Variants in MRPS28 observed in about 807,000 individuals in gnomAD.
The protein encoded by MRPS28 is mitochondrial ribosomal protein S28, also known as small ribosomal subunit protein bS1m.
In MRPS28, 7 loss-of-function variants were observed where a neutral mutation model predicts 10.8. That is an observed-to-expected ratio of 0.65 (90% CI 0.37 to 1.22). The LOEUF is 1.22. Among genes scored for constraint, MRPS28 ranks in the 50% most tolerant of loss-of-function variants. MRPS28 has a pLI of 0.02. For synonymous variants in MRPS28, 121 were observed against 93.3 expected (o/e 1.30, Z -1.71); for missense variants, 265 against 232.9 (o/e 1.14, Z -0.90).
intron 2 of MRPS28, among the ~76,000 whole-genome samples, chr8:79,931,742 G>A (rs1471591964): frequency 6.6e-6 from 1 of 152,204 alleles, no homozygotes; most frequent in Non-Finnish European, 1.5e-5. Context: ...AGGTCTGGCT[G>A]TTAAGGTTTA....
At chr8:79,999,521 A>G (rs1347779477) in intron 2 of MRPS28, among the ~76,000 whole-genome samples, 1 of 152,242 alleles carries the variant, frequency 6.6e-6, no homozygotes, top group Non-Finnish European at 1.5e-5. Flanking sequence ...GAAAGAACCT[A>G]GGCATTTCTA....
At chr8:80,023,799 G>A (rs990117978) in intron 1 of MRPS28, among the ~76,000 whole-genome samples, 1 of 152,184 alleles carries the variant, frequency 6.6e-6, no homozygotes, top group African/African-American at 2.4e-5. Context: ...TTGTGGCTAC[G>A]AGATGAGTTA....
At chr8:79,964,095 A>T (rs1417175089) in intron 2 of MRPS28, among the ~76,000 whole-genome samples, 1 of 152,030 alleles carries the variant, frequency 6.6e-6, no homozygotes, top group Non-Finnish European at 1.5e-5. Flanking sequence ...GCACAAAGAG[A>T]AATCAGGATT....
chr8:79,984,948 C>T (rs1446231857), intron 2 of MRPS28, among the ~76,000 whole-genome samples: 2 of 152,164 alleles, frequency 1.3e-5, no homozygotes, highest in Non-Finnish European at 2.9e-5. Flanking sequence ...ACAGAATTCT[C>T]CACCCCAAAT....
intron 2 of MRPS28, among the ~76,000 whole-genome samples, chr8:79,979,929 A>G (rs1267940687): frequency 7.1e-6 from 1 of 141,160 alleles, no homozygotes; most frequent in African/African-American, 2.7e-5. Context: ...AAAAAAAAAA[A>G]AAAAAAAAAA....
At chr8:79,939,948 C>A (rs554681014) in intron 2 of MRPS28, among the ~76,000 whole-genome samples, 21 of 142,322 alleles carry the variant, frequency 1.5e-4, no homozygotes, top group Non-Finnish European at 2.7e-4. Context: ...CCAGCCTGGA[C>A]AAGCGACAGA....
chr8:79,926,255 A>G (rs1487872962), intron 2 of MRPS28, among the ~76,000 whole-genome samples: 1 of 152,168 alleles, frequency 6.6e-6, no homozygotes, highest in Non-Finnish European at 1.5e-5. Flanking sequence ...GCAAAAAGGG[A>G]TACGTTTTGG....
chr8:79,941,401 C>G (rs541134393), intron 2 of MRPS28, among the ~76,000 whole-genome samples: 82 of 152,038 alleles, frequency 5.4e-4, no homozygotes, highest in Non-Finnish European at 8.7e-4. Flanking sequence ...CTATTATTCT[C>G]GATACTCTCT....
At chr8:79,989,619 ACATGAACCCCGCAACATTTCTT>A (rs1483352494) in intron 2 of MRPS28, among the ~76,000 whole-genome samples, 1 of 152,208 alleles carries the variant, frequency 6.6e-6, no homozygotes, top group African/African-American at 2.4e-5. Flanking sequence ...GGATGCCTGA[ACATGAACCCCGCAACATTTCTT>A]CAAGGCAGGC....
chr8:79,919,062 G>C lies in MRPS28; in HGVS notation c.482C>G (p.Thr161Ser), dbSNP rs1554566963. 1 of 1,611,132 alleles carries C rather than the reference G, an allele frequency of 6.2e-7. No individual in the cohort carries two copies. The highest frequency in any genetic ancestry group is 8.5e-7 in the Non-Finnish European group (1 of 1,178,864). ...SRFLGATTDTTVLEANAVLLG... is the reference protein window; with the variant it reads ...SRFLGATTDTSVLEANAVLLG... ...GAGAACTGCATTAGCCTCTAGTACA[G>C]TTGTATCTGTTGTTGCTCCCAGGAA... Residue 161 changes from threonine to serine, a missense_variant, in exon 3 of 3, where the codon ACT (threonine) becomes AGT (serine). By Grantham distance (58) the Thr-to-Ser change is moderately conservative. Coordinates refer to ENST00000276585, the MANE Select transcript of MRPS28 (RefSeq NM_014018.3).
intron 2 of MRPS28, among the ~76,000 whole-genome samples, chr8:79,965,861 T>C (rs1586064018): frequency 6.6e-6 from 1 of 152,186 alleles, no homozygotes; most frequent in Non-Finnish European, 1.5e-5. Context: ...CAATTAAATA[T>C]CAATACCAAG....
intron 2 of MRPS28, among the ~76,000 whole-genome samples, chr8:79,926,668 G>A: frequency 6.6e-6 from 1 of 152,160 alleles, no homozygotes; most frequent in East Asian, 1.9e-4. Flanking sequence ...CTCATTGAAG[G>A]CATTCTTTGA....
intron 2 of MRPS28, among the ~76,000 whole-genome samples, chr8:79,920,763 C>A (rs1357106039): frequency 6.6e-6 from 1 of 152,100 alleles, no homozygotes; most frequent in East Asian, 1.9e-4. Context: ...ATGGTAGTTT[C>A]TTTTGCTGTG....
intron 2 of MRPS28, among the ~76,000 whole-genome samples, chr8:79,922,009 T>C (rs1198732201): frequency 6.6e-6 from 1 of 152,256 alleles, no homozygotes; most frequent in African/African-American, 2.4e-5. Context: ...TTGAATTTTG[T>C]CAAAGACCTT....
intron 2 of MRPS28, among the ~76,000 whole-genome samples, chr8:79,941,812 A>G (rs1217977621): frequency 1.3e-5 from 2 of 152,220 alleles, no homozygotes; most frequent in Admixed American, 6.5e-5. Context: ...GAAGGTAGGT[A>G]TGTATATTTT....
At chr8:80,002,198 T>C (rs923727702) in intron 2 of MRPS28, among the ~76,000 whole-genome samples, 1 of 152,094 alleles carries the variant, frequency 6.6e-6, no homozygotes, top group Non-Finnish European at 1.5e-5. Context: ...ATTTCCACAA[T>C]ATGACCAATT....
At chr8:80,000,427 C>T (rs542317486) in intron 2 of MRPS28, among the ~76,000 whole-genome samples, 77 of 152,228 alleles carry the variant, frequency 5.1e-4, no homozygotes, top group African/African-American at 1.8e-3. Flanking sequence ...ATAGTGACTG[C>T]TCCAAAGACT....
chr8:79,985,557 G>C (rs1808130003), intron 2 of MRPS28, among the ~76,000 whole-genome samples: 1 of 151,984 alleles, frequency 6.6e-6, no homozygotes, highest in African/African-American at 2.4e-5. Context: ...AAAGAGAGAA[G>C]AATCACATAG....
chr8:79,921,419 T>C (rs1199220835), intron 2 of MRPS28, among the ~76,000 whole-genome samples: 1 of 152,098 alleles, frequency 6.6e-6, no homozygotes, highest in African/African-American at 2.4e-5. Context: ...TTCCTACCCA[T>C]GAGCATGGAA....
Sources: allele counts gnomAD v4.1 joint callset (sites outside exome capture counted in the v4.1 genomes callset), GRCh38; gene constraint gnomAD v4.1.1; transcripts MANE v1.5; gene names NCBI Gene and HGNC (gene_info 2026-07-23, HGNC 2026-07-21).